ADGRL3: variants seen among roughly 807,000 people sequenced by gnomAD.
The protein encoded by ADGRL3 is calcium-independent alpha-latrotoxin receptor 3.
A neutral mutation model predicts 153.5 loss-of-function variants in ADGRL3; 62 were observed. The observed-to-expected ratio is 0.40, with a 90% CI of 0.33 to 0.50. The LOEUF is 0.50. Ranked by LOEUF, ADGRL3 falls within the 20% of genes least tolerant of loss-of-function variation. The pLI is 0.47. For synonymous variants in ADGRL3, 710 were observed against 672.5 expected (o/e 1.06, Z -0.86); for missense variants, 1,641 against 1,859.4 (o/e 0.88, Z 2.16).
chr4:61,948,440 C>G (rs1279289212), intron 17 of ADGRL3, among the ~76,000 whole-genome samples, 164 bp downstream of exon 17: 1 of 152,112 alleles, frequency 6.6e-6, no homozygotes, highest in African/African-American at 2.4e-5. Context: ...GTGGATGATT[C>G]AAAGAACTTG....
chr4:61,239,808 A>G (rs1754217876), intron 1 of ADGRL3, among the ~76,000 whole-genome samples: 1 of 152,150 alleles, frequency 6.6e-6, no homozygotes, highest in African/African-American at 2.4e-5. Context: ...AAAACAAAAT[A>G]TGGCATTGAA....
chr4:61,550,898 G>T (rs924906875), intron 4 of ADGRL3, among the ~76,000 whole-genome samples: 1 of 152,002 alleles, frequency 6.6e-6, no homozygotes, highest in Non-Finnish European at 1.5e-5. Flanking sequence ...GTTTAATAAT[G>T]GCTCTACAAA....
intron 3 of ADGRL3, among the ~76,000 whole-genome samples, chr4:61,506,356 C>G (rs1182251633): frequency 6.6e-6 from 1 of 152,086 alleles, no homozygotes; most frequent in Non-Finnish European, 1.5e-5. Flanking sequence ...CTTGGGGTCA[C>G]TTACATTCCA....
chr4:62,056,109 G>A (rs186615978), intron 25 of ADGRL3, among the ~76,000 whole-genome samples: 327 of 151,634 alleles, frequency 2.2e-3, no homozygotes, highest in African/African-American at 7.7e-3. Context: ...ACTACCAGAG[G>A]TCATGTGTGA....
In ADGRL3 at chr4:61,913,310, TA is replaced by T. The variant is rs1490068778; in HGVS notation, c.2112+555del. Among the ~76,000 whole-genome samples the T allele has an allele frequency of 5.3e-5, 8 of 152,322 alleles. No homozygotes were observed. The South Asian group carries it at 1.0e-3, about 20-fold the overall frequency. On this transcript the variant is annotated intron_variant, in intron 13 of 26. Coordinates refer to ENST00000683033, the MANE Select transcript of ADGRL3 (RefSeq NM_001387552.1). ...CATGTTCTAATTTGTAAGCATGTTG[TA>T]ATTTATAAGCAATAAACCATACCTA...
chr4:61,338,884 A>G (rs2095744414), intron 1 of ADGRL3, among the ~76,000 whole-genome samples: 1 of 152,208 alleles, frequency 6.6e-6, no homozygotes, highest in South Asian at 2.1e-4. Flanking sequence ...AGAATGTAAC[A>G]GTATTATGAT....
intron 1 of ADGRL3, among the ~76,000 whole-genome samples, chr4:61,239,562 C>T (rs1393842484): frequency 1.3e-5 from 2 of 152,030 alleles, no homozygotes; most frequent in African/African-American, 4.8e-5. Context: ...GAATGATTGA[C>T]AGTCTAAATC....
chr4:61,348,282 C>T (rs1412240894), intron 1 of ADGRL3, among the ~76,000 whole-genome samples: 1 of 151,832 alleles, frequency 6.6e-6, no homozygotes, highest in Non-Finnish European at 1.5e-5. Context: ...GTTTAAGGCA[C>T]ATATATTGAA....
chr4:61,665,513 C>A (rs975390167), intron 5 of ADGRL3, among the ~76,000 whole-genome samples: 5 of 151,990 alleles, frequency 3.3e-5, no homozygotes, highest in Admixed American at 6.6e-5. Flanking sequence ...ATTCAGTAAC[C>A]GTCTTAACCA....
At chr4:61,510,427 T>G (rs1485692007) in intron 3 of ADGRL3, among the ~76,000 whole-genome samples, 5 of 152,208 alleles carry the variant, frequency 3.3e-5, no homozygotes. Flanking sequence ...TTGATTTAAT[T>G]TTTGCATATG....
chr4:61,929,347 G>A (rs1252011192), intron 13 of ADGRL3, among the ~76,000 whole-genome samples: 2 of 152,122 alleles, frequency 1.3e-5, no homozygotes, highest in Non-Finnish European at 1.5e-5. Context: ...AATTTCTGTG[G>A]TTTATAAAAT....
At chr4:61,544,071 T>C (rs1296466865) in intron 4 of ADGRL3, among the ~76,000 whole-genome samples, 1 of 152,194 alleles carries the variant, frequency 6.6e-6, no homozygotes, top group Non-Finnish European at 1.5e-5. Context: ...CTGGATGTCT[T>C]CTTGTGGATC....
intron 9 of ADGRL3, among the ~76,000 whole-genome samples, chr4:61,853,264 T>C (rs2149182362): frequency 6.6e-6 from 1 of 152,306 alleles, no homozygotes; most frequent in South Asian, 2.1e-4. Flanking sequence ...AGGGGCTCCT[T>C]ATGAATAACA....
At chr4:61,797,062 T>C (rs1284945528) in intron 8 of ADGRL3, among the ~76,000 whole-genome samples, 2 of 152,132 alleles carry the variant, frequency 1.3e-5, no homozygotes, top group Non-Finnish European at 2.9e-5. Flanking sequence ...TAGCACCCCT[T>C]TACTTCTCCA....
intron 2 of ADGRL3, among the ~76,000 whole-genome samples, chr4:61,416,751 T>G (rs2097149006): frequency 6.6e-6 from 1 of 152,092 alleles, no homozygotes. Context: ...GGAAGACAGT[T>G]TTTTCATGGA....
At chr4:61,568,737 C>T (rs557417810) in intron 4 of ADGRL3, among the ~76,000 whole-genome samples, 1 of 152,208 alleles carries the variant, frequency 6.6e-6, no homozygotes, top group South Asian at 2.1e-4. Context: ...CTATTATATC[C>T]TTCATGATCC....
chr4:61,887,432 A>T (rs182237167), intron 9 of ADGRL3, among the ~76,000 whole-genome samples: 1 of 152,316 alleles, frequency 6.6e-6, no homozygotes, highest in Admixed American at 6.5e-5. Context: ...TACTTGTATG[A>T]TTATAATTCA....
chr4:61,246,216 A>C (rs1757014041), intron 1 of ADGRL3, among the ~76,000 whole-genome samples: 1 of 151,996 alleles, frequency 6.6e-6, no homozygotes, highest in South Asian at 2.1e-4. Context: ...ACAGCTGCCA[A>C]GCTTCTGGTT....
chr4:61,813,488 T>C (rs1380365569), intron 8 of ADGRL3, among the ~76,000 whole-genome samples: 1 of 152,158 alleles, frequency 6.6e-6, no homozygotes, highest in East Asian at 1.9e-4. Flanking sequence ...ATAAGGACTT[T>C]TGTTTTATAT....
Sources: gnomAD v4.1 joint callset for allele counts (sites outside exome capture counted in the v4.1 genomes callset) on GRCh38, gnomAD v4.1.1 for gene constraint, MANE v1.5 for transcripts, NCBI Gene and HGNC (gene_info 2026-07-23, HGNC 2026-07-21) for gene names.